The following CACNA2D1 variants were observed in gnomAD, a reference collection of about 807,000 sequenced individuals.
CACNA2D1 encodes the protein calcium voltage-gated channel auxiliary subunit alpha2delta 1, also known as voltage-dependent calcium channel subunit alpha-2/delta-1.
Under a neutral mutation model 171.5 loss-of-function variants are expected in CACNA2D1, and 53 were observed. The ratio of observed to expected loss-of-function variants is 0.31; its 90% CI spans 0.25 to 0.39. CACNA2D1 has a LOEUF of 0.39. Among genes scored for constraint, CACNA2D1 ranks in the 10% least tolerant of loss-of-function variants. The pLI is 1.00. For synonymous variants in CACNA2D1, 442 were observed against 443.1 expected (o/e 1.00, Z 0.03); for missense variants, 903 against 1,299.8 (o/e 0.69, Z 4.69).
intron 34 of CACNA2D1, 112 bp downstream of exon 34, chr7:81,963,944 T>G: frequency 1.2e-6 from 1 of 833,240 alleles, no homozygotes; most frequent in Non-Finnish European, 2.0e-6. Flanking sequence ...GAAAACAACT[T>G]AACTCCCTTA....
intron 3 of CACNA2D1, among the ~76,000 whole-genome samples, chr7:82,236,031 C>T (rs1803547844): frequency 6.6e-6 from 1 of 152,014 alleles, no homozygotes; most frequent in Non-Finnish European, 1.5e-5. Context: ...TAACCCTCCC[C>T]ATATTCTTAT....
intron 3 of CACNA2D1, among the ~76,000 whole-genome samples, chr7:82,277,828 C>T (rs1809563413): frequency 6.7e-6 from 1 of 148,654 alleles, no homozygotes; most frequent in African/African-American, 2.5e-5. Flanking sequence ...TCACAGCAAC[C>T]TCCACCTCCT....
rs191370687 is a variant in CACNA2D1, at chr7:81,958,332, A to G, written c.3159+943T>C. 7.2e-5 allele frequency among the ~76,000 whole-genome samples: 11 copies of G among 152,214 alleles called. No individual in the cohort carries two copies. The East Asian group carries it at 7.7e-4, about 11-fold the overall frequency. Reference sequence around the variant, plus strand: ...GACAAATGCAGCTATGTATTTGAGTAGGTAAACTAAATAACTCAAATAATT... The same window carrying G: ...GACAAATGCAGCTATGTATTTGAGTGGGTAAACTAAATAACTCAAATAATT... On this transcript the variant is annotated intron_variant, in intron 38 of 38. Transcript: ENST00000356860.
intron 1 of CACNA2D1, among the ~76,000 whole-genome samples, chr7:82,421,044 C>T (rs1828673241): frequency 6.6e-6 from 1 of 152,106 alleles, no homozygotes; most frequent in African/African-American, 2.4e-5. Context: ...TTTATTATTA[C>T]AAAATACAAC....
At chr7:82,163,546 G>A (rs57786603) in intron 4 of CACNA2D1, among the ~76,000 whole-genome samples, 39,144 of 151,852 alleles carry the variant, frequency 0.26, 5,317 homozygotes, top group Middle Eastern at 0.35. Flanking sequence ...AGGCACTTCT[G>A]CCTTTAGAGA....
chr7:82,001,300 T>C (rs540046344), intron 18 of CACNA2D1, among the ~76,000 whole-genome samples: 1 of 152,312 alleles, frequency 6.6e-6, no homozygotes, highest in African/African-American at 2.4e-5. Context: ...TTGTATTTTA[T>C]TTCCACGTAG....
chr7:82,263,003 T>C (rs1371999977), intron 3 of CACNA2D1, among the ~76,000 whole-genome samples: 1 of 152,060 alleles, frequency 6.6e-6, no homozygotes, highest in Non-Finnish European at 1.5e-5. Context: ...TATTTCTTCA[T>C]GGCTGTCCCA....
chr7:82,400,477 G>A (rs1045983670), intron 1 of CACNA2D1, among the ~76,000 whole-genome samples: 10 of 151,988 alleles, frequency 6.6e-5, no homozygotes, highest in Non-Finnish European at 4.4e-5. Context: ...TTTAATAAAT[G>A]GTGCTGGGAA....
chr7:82,063,664 T>C (rs1807237789), intron 9 of CACNA2D1, among the ~76,000 whole-genome samples: 1 of 152,090 alleles, frequency 6.6e-6, no homozygotes, highest in Non-Finnish European at 1.5e-5. Flanking sequence ...ATTCCTTGAT[T>C]ATTGCTCTTT....
chr7:82,338,812 C>T (rs898476671), intron 2 of CACNA2D1, among the ~76,000 whole-genome samples: 1 of 152,068 alleles, frequency 6.6e-6, no homozygotes, highest in African/African-American at 2.4e-5. Context: ...TTTAAGAAAG[C>T]CCTTTGAAAT....
intron 1 of CACNA2D1, among the ~76,000 whole-genome samples, chr7:82,423,399 A>G (rs1444584295): frequency 6.6e-6 from 1 of 152,198 alleles, no homozygotes; most frequent in Non-Finnish European, 1.5e-5. Flanking sequence ...CCTTCAGATT[A>G]GCTGATTTAC....
intron 36 of CACNA2D1, 100 bp from the exon 37 acceptor site, chr7:81,959,929 G>A: frequency 2.0e-6 from 3 of 1,504,986 alleles, no homozygotes; most frequent in Admixed American, 2.0e-5. Context: ...GACAAAATAT[G>A]ACATCTGAAA....
At chr7:82,096,227 C>T (rs908998657) in intron 6 of CACNA2D1, among the ~76,000 whole-genome samples, 3 of 152,154 alleles carry the variant, frequency 2.0e-5, no homozygotes, top group East Asian at 3.9e-4. Flanking sequence ...AGCAGTAGCA[C>T]AAAAACTTCC....
At chr7:82,395,211 CA>C (rs1215369945) in intron 1 of CACNA2D1, among the ~76,000 whole-genome samples, 1 of 150,964 alleles carries the variant, frequency 6.6e-6, no homozygotes, top group African/African-American at 2.4e-5. Context: ...AAAAAAAACA[CA>C]AAAAAACTCC....
intron 3 of CACNA2D1, among the ~76,000 whole-genome samples, chr7:82,304,312 A>G (rs1813426115): frequency 6.6e-6 from 1 of 151,688 alleles, no homozygotes. Flanking sequence ...AAATTGAACT[A>G]CCATATTATC....
At chr7:82,169,834 C>T (rs1795833268) in intron 4 of CACNA2D1, among the ~76,000 whole-genome samples, 1 of 143,918 alleles carries the variant, frequency 6.9e-6, no homozygotes, top group South Asian at 2.3e-4. Flanking sequence ...AACAGAAGTA[C>T]TTTCTGATTA....
chr7:82,076,709 A>C (rs1809010940), intron 7 of CACNA2D1, among the ~76,000 whole-genome samples: 1 of 152,094 alleles, frequency 6.6e-6, no homozygotes, highest in African/African-American at 2.4e-5. Flanking sequence ...CAGTGCCCAA[A>C]ATGTTTGTGG....
chr7:82,271,083 C>G (rs1282968900), intron 3 of CACNA2D1, among the ~76,000 whole-genome samples: 4 of 152,070 alleles, frequency 2.6e-5, no homozygotes, highest in Non-Finnish European at 5.9e-5. Context: ...GGCCTCTGCT[C>G]TGGCTTTTTT....
At chr7:82,106,474 T>C (rs1037053693) in intron 6 of CACNA2D1, among the ~76,000 whole-genome samples, 5 of 152,192 alleles carry the variant, frequency 3.3e-5, no homozygotes, top group Non-Finnish European at 5.9e-5. Context: ...ATAGAGGCAC[T>C]GAATTTTGCA....
Sources: allele counts gnomAD v4.1 joint callset (sites outside exome capture counted in the v4.1 genomes callset), GRCh38; gene constraint gnomAD v4.1.1; transcripts MANE v1.5; gene names NCBI Gene and HGNC (gene_info 2026-07-23, HGNC 2026-07-21).